ARFGEF2: variants seen among roughly 807,000 people sequenced by gnomAD.
The protein encoded by ARFGEF2 is brefeldin A-inhibited guanine nucleotide-exchange protein 2.
Under a neutral mutation model 219.9 loss-of-function variants are expected in ARFGEF2, and 74 were observed. The ratio of observed to expected loss-of-function variants is 0.34; its 90% CI spans 0.28 to 0.41. The LOEUF is 0.41. ARFGEF2 is among the 10% of genes least tolerant of loss of function. The pLI is 1.00. For synonymous variants in ARFGEF2, 733 were observed against 799.2 expected (o/e 0.92, Z 1.40); for missense variants, 1,743 against 2,218.3 (o/e 0.79, Z 4.30).
At chr20:48,994,300 C>T (rs2091373680) in intron 21 of ARFGEF2, 151 bp from the exon 22 acceptor site, 2 of 920,814 alleles carry the variant, frequency 2.2e-6, no homozygotes, top group South Asian at 2.8e-5. Context: ...TGCTTTTTCT[C>T]TCTTTATTGA....
intron 21 of ARFGEF2, among the ~76,000 whole-genome samples, chr20:48,992,162 G>A (rs1034423902): frequency 2.6e-5 from 4 of 152,190 alleles, no homozygotes; most frequent in Non-Finnish European, 5.9e-5. Flanking sequence ...AATGGTCACA[G>A]TAAAATTACA....
intron 14 of ARFGEF2, among the ~76,000 whole-genome samples, chr20:48,980,006 T>C (rs1164401637): frequency 1.3e-5 from 2 of 152,206 alleles, no homozygotes; most frequent in Admixed American, 6.5e-5. Flanking sequence ...ATCTTAGTTA[T>C]TTCTTGCCTT....
intron 6 of ARFGEF2, among the ~76,000 whole-genome samples, chr20:48,956,004 C>G (rs1022446812): frequency 6.6e-6 from 1 of 152,174 alleles, no homozygotes; most frequent in East Asian, 1.9e-4. Context: ...ACTTCCAGTT[C>G]TCAGGACTAG....
At chr20:48,940,488 T>C (rs1311088436) in intron 1 of ARFGEF2, among the ~76,000 whole-genome samples, 5 of 152,262 alleles carry the variant, frequency 3.3e-5, no homozygotes, top group Non-Finnish European at 5.9e-5. Context: ...TTTCCAGTCT[T>C]CTATGCATAT....
chr20:49,030,407 G>T (rs553415339), intron 37 of ARFGEF2, among the ~76,000 whole-genome samples: 12 of 147,078 alleles, frequency 8.2e-5, no homozygotes, highest in Admixed American at 4.1e-4. Context: ...AGCTCTTCCT[G>T]CCTCAGCCTC....
At chr20:49,005,332 C>A in intron 26 of ARFGEF2, 111 bp downstream of exon 26, 1 of 1,286,984 alleles carries the variant, frequency 7.8e-7, no homozygotes, top group Non-Finnish European at 1.1e-6. Flanking sequence ...TCAGTGGAAA[C>A]AAATAGAATG....
chr20:48,949,332 G>C (rs933784240), intron 3 of ARFGEF2, among the ~76,000 whole-genome samples: 1 of 152,150 alleles, frequency 6.6e-6, no homozygotes, highest in African/African-American at 2.4e-5. Context: ...CACCCCACTT[G>C]CAATCCAGTG....
At chr20:48,934,622 A>G (rs1048690582) in intron 1 of ARFGEF2, among the ~76,000 whole-genome samples, 4 of 151,882 alleles carry the variant, frequency 2.6e-5, no homozygotes, top group Non-Finnish European at 5.9e-5. Context: ...TTCTGTTCCT[A>G]TGTTAGTTTG....
chr20:48,970,130 C>A (rs2091215632), intron 9 of ARFGEF2, among the ~76,000 whole-genome samples: 1 of 151,522 alleles, frequency 6.6e-6, no homozygotes, highest in South Asian at 2.1e-4. Context: ...GCCTGGCCAA[C>A]AAGATGAAAC....
At chr20:48,966,191 G>C (rs937085090) in intron 8 of ARFGEF2, among the ~76,000 whole-genome samples, 168 bp downstream of exon 8, 1 of 152,214 alleles carries the variant, frequency 6.6e-6, no homozygotes, top group Admixed American at 6.5e-5. Context: ...TCAGTTCTTA[G>C]AACGTGCTAA....
rs535533415 is a variant in ARFGEF2, at chr20:48,953,504, A to G, written c.604-52A>G. 1.6e-5 allele frequency: 25 copies of G among 1,562,872 alleles called. No individual in the cohort carries two copies. In the East Asian group the frequency reaches 5.6e-4, roughly 35 times the overall value. Reference sequence around the variant, plus strand: ...GAAATTTTTTAAGTAATAGGCTGGCATAATTTTTCTTCCTTACCAAAATGC... The same window carrying G: ...GAAATTTTTTAAGTAATAGGCTGGCGTAATTTTTCTTCCTTACCAAAATGC... On this transcript the variant is annotated intron_variant, in intron 5 of 38. Coordinates refer to ENST00000371917, the MANE Select transcript of ARFGEF2 (RefSeq NM_006420.3).
intron 8 of ARFGEF2, among the ~76,000 whole-genome samples, chr20:48,967,821 C>G (rs79802117): frequency 1.3e-5 from 2 of 152,224 alleles, no homozygotes; most frequent in East Asian, 1.9e-4. Flanking sequence ...GGAGAAAGCT[C>G]CTACTCTAAT....
intron 3 of ARFGEF2, among the ~76,000 whole-genome samples, chr20:48,947,303 G>A (rs530727295): frequency 1.3e-5 from 2 of 152,226 alleles, no homozygotes; most frequent in Admixed American, 6.5e-5. Context: ...GGGAGGCTGA[G>A]GCAGGAGAAT....
At chr20:48,999,318 A>C (rs2091410504) in intron 25 of ARFGEF2, 1 of 419,618 alleles carries the variant, frequency 2.4e-6, no homozygotes, top group Non-Finnish European at 4.7e-6. Flanking sequence ...AACTGTTGGG[A>C]ATAAACCAGA....
At chr20:48,922,061 G>T (rs1370269699) in intron 1 of ARFGEF2, 51 bp downstream of exon 1, 4 of 1,545,910 alleles carry the variant, frequency 2.6e-6, no homozygotes, top group Non-Finnish European at 3.5e-6. Context: ...CACGTCGGCC[G>T]TTGCCCTATC....
chr20:49,005,430 G>A (rs2091451521), intron 26 of ARFGEF2, among the ~76,000 whole-genome samples: 1 of 152,068 alleles, frequency 6.6e-6, no homozygotes, highest in African/African-American at 2.4e-5. Flanking sequence ...ATGTCACCCT[G>A]CAACTTGTAG....
At chr20:48,972,167 A>G (rs995182435) in intron 10 of ARFGEF2, among the ~76,000 whole-genome samples, 159 bp from the exon 11 acceptor site, 1 of 152,192 alleles carries the variant, frequency 6.6e-6, no homozygotes, top group Non-Finnish European at 1.5e-5. Context: ...CACCAAGGCC[A>G]GGGTCCCGTT....
intron 1 of ARFGEF2, among the ~76,000 whole-genome samples, chr20:48,934,644 G>T (rs2123290456): frequency 6.6e-6 from 1 of 152,248 alleles, no homozygotes; most frequent in East Asian, 1.9e-4. Flanking sequence ...TGAGAATGAT[G>T]GCTTCCAGCC....
At chr20:48,984,373 C>T (rs2091314327) in intron 14 of ARFGEF2, among the ~76,000 whole-genome samples, 1 of 152,248 alleles carries the variant, frequency 6.6e-6, no homozygotes, top group African/African-American at 2.4e-5. Flanking sequence ...CACACCACTT[C>T]TGCTCATATC....
Sources: allele counts gnomAD v4.1 joint callset (sites outside exome capture counted in the v4.1 genomes callset), GRCh38; gene constraint gnomAD v4.1.1; transcripts MANE v1.5; gene names NCBI Gene and HGNC (gene_info 2026-07-23, HGNC 2026-07-21).